ABCG8: variants seen among roughly 807,000 people sequenced by gnomAD.
ABCG8 encodes ATP-binding cassette sub-family G member 8.
In ABCG8, 81 loss-of-function variants were observed where a neutral mutation model predicts 71.3. The ratio of observed to expected loss-of-function variants is 1.14; its 90% CI spans 0.95 to 1.37. The LOEUF is 1.37. Among genes scored for constraint, ABCG8 ranks in the 40% most tolerant of loss-of-function variants. The probability of loss-of-function intolerance (pLI) is 0.00; values close to 1 mark genes in which losing one functional copy is unlikely to be tolerated. For missense variants in ABCG8, 1,119 were observed against 866.2 expected (o/e 1.29, Z -3.66); for synonymous variants, 451 against 354.7 (o/e 1.27, Z -3.05).
intron 6 of ABCG8, among the ~76,000 whole-genome samples, chr2:43,866,741 G>C (rs1198290935): frequency 1.3e-5 from 2 of 151,294 alleles, no homozygotes; most frequent in Non-Finnish European, 2.9e-5. Flanking sequence ...CTTTTACACT[G>C]TTGGTGGGAT....
intron 9 of ABCG8, 112 bp downstream of exon 9, chr2:43,874,098 C>A (rs1669874576): frequency 3.4e-6 from 4 of 1,169,466 alleles, no homozygotes; most frequent in African/African-American, 1.5e-5. Context: ...ATATATAAGA[C>A]AATAATGTTT....
intron 6 of ABCG8, among the ~76,000 whole-genome samples, chr2:43,867,710 G>A (rs1402936594): frequency 6.6e-6 from 1 of 151,830 alleles, no homozygotes; most frequent in Non-Finnish European, 1.5e-5. Context: ...TCTGTGGATA[G>A]AACTCTCCGT....
chr2:43,843,534 G>T (rs1668645528), intron 1 of ABCG8, among the ~76,000 whole-genome samples: 1 of 151,882 alleles, frequency 6.6e-6, no homozygotes, highest in Non-Finnish European at 1.5e-5. Flanking sequence ...ACAAAAATTA[G>T]CTGGGTGTGG....
chr2:43,867,937 G>A (rs937087169), intron 6 of ABCG8, among the ~76,000 whole-genome samples: 2 of 149,790 alleles, frequency 1.3e-5, no homozygotes, highest in East Asian at 2.0e-4. Context: ...CTCACTATCC[G>A]TTTGGATAGA....
intron 4 of ABCG8, 55 bp from the exon 5 acceptor site, chr2:43,852,299 G>T: frequency 6.2e-7 from 1 of 1,611,000 alleles, no homozygotes; most frequent in East Asian, 2.2e-5. Context: ...GTCACAATGT[G>T]TCCAGCCCTG....
At position 43,877,602 on chromosome 2, in the gene ABCG8, T is replaced by C. The variant is rs1337395916; in HGVS notation, c.1798T>C (p.Phe600Leu). ...ISKVSFLRWC[F>L]EGLMKIQFSR... ...CAAAGTGTCCTTCCTGCGGTGGTGT[T>C]TTGAAGGGCTGATGAAGATTCAGTT... Residue 600 changes from phenylalanine to leucine, a missense_variant, in exon 12 of 13, where the codon TTT (phenylalanine) becomes CTT (leucine). Physicochemically the swap from Phe to Leu is conservative, Grantham distance 22. Transcript: ENST00000272286. 1 of 1,613,970 alleles carries C rather than the reference T, an allele frequency of 6.2e-7. No individual in the cohort carries two copies. The highest frequency in any genetic ancestry group is 8.5e-7 in the Non-Finnish European group (1 of 1,180,006).
At chr2:43,876,422 G>A (rs186496045) in intron 11 of ABCG8, among the ~76,000 whole-genome samples, 99 of 152,082 alleles carry the variant, frequency 6.5e-4, no homozygotes, top group African/African-American at 2.3e-3. Context: ...TGGGAATATG[G>A]GGAGACTGAA....
intron 8 of ABCG8, among the ~76,000 whole-genome samples, chr2:43,872,695 C>A (rs1348260477): frequency 1.3e-5 from 2 of 152,142 alleles, no homozygotes; most frequent in South Asian, 2.1e-4. Context: ...GGCAGCAGAG[C>A]AAGACCCCAT....
Position 43,878,436 on chromosome 2 carries a change from C to T in ABCG8, c.*523C>T, listed in dbSNP as rs994863274. The T allele has an allele frequency of 1.4e-5, 3 of 211,822 alleles. No individual in the cohort carries two copies. Among genetic ancestry groups the T allele is most frequent in the South Asian group, 8.7e-5 (1 of 11,460 alleles). 13.1% of individuals were successfully genotyped at this position (211,822 alleles called of 1,614,324 possible). The stretch of plus-strand genomic sequence containing the variant: ...TGGGGTCATGGGCTCCAAAAGCCAA[C>T]GTGAACAATTAAAAATGTATTGAGC... On this transcript the variant is annotated 3_prime_UTR_variant, in exon 13 of 13. Transcript: ENST00000272286.
intron 6 of ABCG8, among the ~76,000 whole-genome samples, chr2:43,859,535 C>G (rs58076853): frequency 6.6e-6 from 1 of 150,810 alleles, no homozygotes; most frequent in African/African-American, 2.4e-5. Flanking sequence ...CTGGATAGAT[C>G]TCTCACTATT....
At position 43,882,265 on chromosome 2, in the gene ABCG8, C is replaced by A. The variant is rs1309103059; in HGVS notation, c.*4352C>A. ...CATTTGCTTTTGTTTTCTTCTACTT[C>A]AACTCTTGTCATGATCCCAAATTAA... On this transcript the variant is annotated 3_prime_UTR_variant, in exon 13 of 13. Transcript: ENST00000272286. 3 of 152,228 alleles carry A rather than the reference C, an allele frequency of 2.0e-5. No homozygotes were observed. The allele number at this position is 152,228 out of a possible 1,614,324, so 9.4% of individuals were successfully genotyped here.
rs1669925385 is a variant in ABCG8 at position 43,875,347 on chromosome 2, A to G, written c.1690A>G (p.Asn564Asp). The G allele has an allele frequency of 6.2e-7, 1 of 1,614,044 alleles. No individual in the cohort carries two copies. ...PTFHMASFFS[N>D]ALYNSFYLAG... is the part of the protein sequence containing the mutation. Reference sequence around the variant, plus strand: ...CTTCCACATGGCCTCCTTCTTCAGCAATGCCCTCTACAACTCCTTCTACCT... The same window carrying G: ...CTTCCACATGGCCTCCTTCTTCAGCGATGCCCTCTACAACTCCTTCTACCT... Residue 564 changes from asparagine to aspartate, a missense_variant, in exon 11 of 13, where the codon AAT becomes GAT. By Grantham distance (23) the Asn-to-Asp change is conservative. Coordinates refer to ENST00000272286, the MANE Select transcript of ABCG8 (RefSeq NM_022437.3).
At chr2:43,863,187 C>A (rs1385207165) in intron 6 of ABCG8, among the ~76,000 whole-genome samples, 10 of 151,138 alleles carry the variant, frequency 6.6e-5, no homozygotes, top group African/African-American at 2.4e-4. Flanking sequence ...ATAACTCTCA[C>A]TACCTATCTG....
At chr2:43,842,709 C>A (rs1427550790) in intron 1 of ABCG8, among the ~76,000 whole-genome samples, 1 of 152,044 alleles carries the variant, frequency 6.6e-6, no homozygotes, top group South Asian at 2.1e-4. Flanking sequence ...TACTGTGTCC[C>A]CTTTCTCCTT....
At chr2:43,842,206 T>C (rs1043904360) in intron 1 of ABCG8, among the ~76,000 whole-genome samples, 6 of 152,002 alleles carry the variant, frequency 3.9e-5, no homozygotes, top group African/African-American at 1.5e-4. Context: ...AGAGACAGGG[T>C]TTCACTGTTT....
Position 43,852,502 on chromosome 2 carries a change from G to C in ABCG8, c.694+16G>C, listed in dbSNP as rs768575372. 1.2e-6 allele frequency: 2 copies of C among 1,613,428 alleles called. No individual in the cohort carries two copies. The highest frequency in any genetic ancestry group is 1.7e-6 in the Non-Finnish European group (2 of 1,179,744). On this transcript the variant is annotated intron_variant, in intron 5 of 12. Coordinates refer to ENST00000272286, the MANE Select transcript of ABCG8 (RefSeq NM_022437.3). Reference sequence around the variant, plus strand: ...TGGAACCCAGGTGAGGGCCTGGGGGGCAGATGGGGGCAGAGGGACCTGTGC... The same window carrying C: ...TGGAACCCAGGTGAGGGCCTGGGGGCCAGATGGGGGCAGAGGGACCTGTGC...
At chr2:43,853,409 G>A (rs899200420) in intron 6 of ABCG8, among the ~76,000 whole-genome samples, 10 of 152,312 alleles carry the variant, frequency 6.6e-5, no homozygotes, top group South Asian at 2.1e-4. Context: ...AGCATGAGCC[G>A]CTTCCTTCAT....
intron 8 of ABCG8, among the ~76,000 whole-genome samples, chr2:43,873,353 T>A (rs1669846427): frequency 6.6e-6 from 1 of 151,872 alleles, no homozygotes; most frequent in African/African-American, 2.4e-5. Context: ...CACTCCTGAC[T>A]AATTTTTTGT....
intron 1 of ABCG8, among the ~76,000 whole-genome samples, chr2:43,842,740 G>T (rs1668619242): frequency 6.6e-6 from 1 of 151,786 alleles, no homozygotes; most frequent in South Asian, 2.1e-4. Flanking sequence ...CCGCTCCCCA[G>T]AGATAACCCC....
Sources: allele counts gnomAD v4.1 joint callset (sites outside exome capture counted in the v4.1 genomes callset), GRCh38; gene constraint gnomAD v4.1.1; transcripts MANE v1.5; gene names NCBI Gene and HGNC (gene_info 2026-07-23, HGNC 2026-07-21).